Variants in PLXDC1 observed in about 807,000 individuals in gnomAD.
The protein encoded by PLXDC1 is plexin domain-containing protein 1.
A neutral mutation model predicts 61.3 loss-of-function variants in PLXDC1; 39 were observed. That is an observed-to-expected ratio of 0.64 (90% CI 0.49 to 0.83). The LOEUF (loss-of-function observed/expected upper bound fraction) is 0.83. Among genes scored for constraint, PLXDC1 ranks in the 40% least tolerant of loss-of-function variants. The probability of loss-of-function intolerance (pLI) is 0.00; values close to 1 mark genes in which losing one functional copy is unlikely to be tolerated. For missense variants in PLXDC1, 596 were observed against 666.5 expected (o/e 0.89, Z 1.17); for synonymous variants, 212 against 254.5 (o/e 0.83, Z 1.59).
At chr17:39,139,542 G>T in intron 2 of PLXDC1, 112 bp downstream of exon 2, 1 of 1,048,812 alleles carries the variant, frequency 9.5e-7, no homozygotes, top group Non-Finnish European at 1.4e-6. Context: ...TGTCCTCCGG[G>T]GCCAACCCCA....
intron 9 of PLXDC1, chr17:39,080,863 T>G (rs969518354): frequency 4.6e-5 from 7 of 152,644 alleles, no homozygotes; most frequent in African/African-American, 1.7e-4. Context: ...TGAGGAGGGC[T>G]CAACCCTCAT....
intron 6 of PLXDC1, among the ~76,000 whole-genome samples, chr17:39,106,655 T>TTC (rs1555571865): frequency 6.8e-6 from 1 of 146,168 alleles, no homozygotes; most frequent in African/African-American, 2.5e-5. Flanking sequence ...TTTCTTTCTT[T>TTC]TTTTTTTTTT....
chr17:39,103,285 T>C (rs529737255), intron 7 of PLXDC1, among the ~76,000 whole-genome samples: 8 of 151,682 alleles, frequency 5.3e-5, no homozygotes, highest in African/African-American at 1.7e-4. Flanking sequence ...TCCCAGCACA[T>C]TGGGCACTGG....
chr17:39,083,439 A>G lies in PLXDC1; in HGVS notation c.989+20T>C, dbSNP rs774783442. The G allele has an allele frequency of 6.2e-7, 1 of 1,606,524 alleles. No individual in the cohort carries two copies. Among genetic ancestry groups the G allele is most frequent in the Non-Finnish European group, 8.5e-7 (1 of 1,173,734 alleles). ...CCACAGTCGGCCAGTGGGAGTCAGC[A>G]GGTAACCCTGGGCACAAACCTCTGG... On this transcript the variant is annotated intron_variant, in intron 9 of 13. Transcript: ENST00000315392.
intron 12 of PLXDC1, chr17:39,070,278 C>T: frequency 2.8e-6 from 1 of 354,158 alleles, no homozygotes; most frequent in East Asian, 4.5e-5. Context: ...GAAGTTCTCT[C>T]TGATATCTGT....
chr17:39,075,179 G>A (rs531922725), intron 11 of PLXDC1, among the ~76,000 whole-genome samples: 3 of 152,230 alleles, frequency 2.0e-5, no homozygotes, highest in Admixed American at 6.5e-5. Context: ...GGCTGGTCTC[G>A]AACTCCTGAG....
intron 11 of PLXDC1, among the ~76,000 whole-genome samples, chr17:39,075,817 C>CTTGTA (rs1909305286): frequency 6.6e-6 from 1 of 152,208 alleles, no homozygotes; most frequent in Admixed American, 6.5e-5. Context: ...GTGGCTCACG[C>CTTGTA]CTGTAATCCT....
chr17:39,109,314 C>A lies in PLXDC1; in HGVS notation c.333G>T (p.Val111=), dbSNP rs865886771. ...TCACTTGGCTCCGGTTGGCCTCGGC[C>A]ACATCTACCCACAGTTCCCGGCTGT... ...EPHSRELWVD[V]AEANRSQVKI... The change falls in exon 3 of 14, where the codon GTG becomes GTT. Residue 111 remains valine (V), a synonymous_variant. Coordinates refer to ENST00000315392, the MANE Select transcript of PLXDC1 (RefSeq NM_020405.5). 6.2e-7 allele frequency: 1 copy of A among 1,612,226 alleles called. No homozygotes were observed. Among genetic ancestry groups the A allele is most frequent in the Non-Finnish European group, 8.5e-7 (1 of 1,179,574 alleles).
chr17:39,129,869 G>C (rs964464054), intron 2 of PLXDC1, among the ~76,000 whole-genome samples: 2 of 152,056 alleles, frequency 1.3e-5, no homozygotes, highest in African/African-American at 4.8e-5. Flanking sequence ...CAGCCAAAAG[G>C]TAGAAACAGC....
At chr17:39,146,070 C>CTTTTTT (rs71141767) in intron 1 of PLXDC1, among the ~76,000 whole-genome samples, 7 of 131,216 alleles carry the variant, frequency 5.3e-5, no homozygotes, top group African/African-American at 1.8e-4. Flanking sequence ...CGGCCCATTC[C>CTTTTTT]TTTTTTTTTT....
chr17:39,077,104 G>C (rs1036040002), intron 11 of PLXDC1, among the ~76,000 whole-genome samples: 1 of 152,198 alleles, frequency 6.6e-6, no homozygotes, highest in Non-Finnish European at 1.5e-5. Context: ...CTGACCTCAA[G>C]TGGTCTGCTC....
At chr17:39,090,308 G>T (rs1320673690) in intron 7 of PLXDC1, among the ~76,000 whole-genome samples, 1 of 151,928 alleles carries the variant, frequency 6.6e-6, no homozygotes, top group African/African-American at 2.4e-5. Context: ...TGTCAATAAA[G>T]ATTCCCTGGA....
At chr17:39,106,793 G>A (rs1910608832) in intron 6 of PLXDC1, among the ~76,000 whole-genome samples, 1 of 151,782 alleles carries the variant, frequency 6.6e-6, no homozygotes, top group South Asian at 2.1e-4. Context: ...GAGATTACAG[G>A]TGCCTGCCAC....
intron 7 of PLXDC1, among the ~76,000 whole-genome samples, 170 bp from the exon 8 acceptor site, chr17:39,087,872 T>C (rs1243879202): frequency 6.6e-6 from 1 of 152,138 alleles, no homozygotes; most frequent in African/African-American, 2.4e-5. Flanking sequence ...GGTGCGGACC[T>C]GGAGAGGAGA....
At chr17:39,130,901 C>G (rs1911538474) in intron 2 of PLXDC1, among the ~76,000 whole-genome samples, 6 of 151,644 alleles carry the variant, frequency 4.0e-5, no homozygotes, top group Admixed American at 2.6e-4. Context: ...TTCATCTCAA[C>G]AAAAAAGAAA....
intron 9 of PLXDC1, chr17:39,079,449 G>T (rs941609881): frequency 1.9e-6 from 1 of 521,754 alleles, no homozygotes; most frequent in South Asian, 1.5e-5. Context: ...CCTCAAGGTC[G>T]CCTTGACTCT....
intron 2 of PLXDC1, among the ~76,000 whole-genome samples, chr17:39,130,322 AT>A (rs1214900994): frequency 6.6e-6 from 1 of 152,056 alleles, no homozygotes; most frequent in Non-Finnish European, 1.5e-5. Flanking sequence ...TTGTAGTGGC[AT>A]ATGCCTATAG....
intron 3 of PLXDC1, 132 bp downstream of exon 3, chr17:39,109,116 C>A: frequency 1.5e-6 from 2 of 1,333,216 alleles, no homozygotes; most frequent in South Asian, 1.3e-5. Flanking sequence ...TGGCAAAGTC[C>A]CATGGGAACC....
intron 2 of PLXDC1, among the ~76,000 whole-genome samples, chr17:39,128,313 G>C (rs1198275949): frequency 6.6e-6 from 1 of 151,226 alleles, no homozygotes; most frequent in Non-Finnish European, 1.5e-5. Context: ...CACCTCCTGG[G>C]TTCAAGCGAT....
Sources: allele counts gnomAD v4.1 joint callset (sites outside exome capture counted in the v4.1 genomes callset), GRCh38; gene constraint gnomAD v4.1.1; transcripts MANE v1.5; gene names NCBI Gene and HGNC (gene_info 2026-07-23, HGNC 2026-07-21).